EFR3B: variants seen among roughly 807,000 people sequenced by gnomAD.
EFR3B encodes the protein EFR3 homolog B, also known as protein EFR3 homolog B.
Under a neutral mutation model 104.7 loss-of-function variants are expected in EFR3B, and 64 were observed. The observed-to-expected ratio is 0.61, with a 90% CI of 0.50 to 0.75. The LOEUF is 0.75. Ranked by LOEUF, EFR3B falls within the 30% of genes least tolerant of loss-of-function variation. EFR3B has a pLI of 0.00. For synonymous variants in EFR3B, 385 were observed against 417.9 expected, an observed-to-expected ratio of 0.92 and a Z score of 0.96; for missense variants, 750 against 1,078.5, an observed-to-expected ratio of 0.70 and a Z score of 4.27.
In EFR3B at chr2:25,103,640, C is replaced by A. The variant is rs754323247; in HGVS notation, c.216C>A (p.Tyr72Ter). Reference sequence around the variant, plus strand: ...CGGCATGTGCTGCCCTCCCCAGGTACGTGTGCATTGCTATGGAGGCTTTGG... The same window carrying A: ...CGGCATGTGCTGCCCTCCCCAGGTAAGTGTGCATTGCTATGGAGGCTTTGG... ...IRDVGRHRYG[Y>*]VCIAMEALDQ... The change falls in exon 4 of 23, where the codon TAC becomes TAA. Residue 72 changes from tyrosine (Y) to a stop codon, truncating the protein, a stop_gained. Transcript: ENST00000403714. LOFTEE classifies it high-confidence loss of function. 1 of 1,549,794 alleles carries A rather than the reference C, an allele frequency of 6.5e-7. No individual in the cohort carries two copies. The highest frequency in any genetic ancestry group is 2.0e-5 in the Admixed American group (1 of 50,896).
Position 25,151,947 on chromosome 2 carries a change from A to AGCG in EFR3B, c.2234_2236dup (p.Arg745dup), listed in dbSNP as rs1389856586. On this transcript the variant is annotated inframe_insertion, in exon 21 of 23. Coordinates refer to ENST00000403714, the MANE Select transcript of EFR3B (RefSeq NM_014971.2). The stretch of plus-strand genomic sequence containing the variant: ...GTAGCAGTGGAGGAGCAGGAGCGTG[A>AGCG]GCGGCGGCGGCAGGTGGTGGAGAAG... 1.3e-6 allele frequency: 2 copies of AGCG among 1,551,722 alleles called. No homozygotes were observed. Among genetic ancestry groups the AGCG allele is most frequent in the East Asian group, 4.9e-5 (2 of 40,920 alleles).
intron 4 of EFR3B, among the ~76,000 whole-genome samples, chr2:25,112,733 G>A (rs1669754123): frequency 6.6e-6 from 1 of 152,210 alleles, no homozygotes; most frequent in Non-Finnish European, 1.5e-5. Context: ...TAAGTCTAGT[G>A]AAGCAAAGAA....
At chr2:25,101,959 G>A (rs1165464641) in intron 3 of EFR3B, among the ~76,000 whole-genome samples, 1 of 152,216 alleles carries the variant, frequency 6.6e-6, no homozygotes, top group African/African-American at 2.4e-5. Flanking sequence ...TAAATGCTTT[G>A]TAAGTGAAGG....
chr2:25,120,023 A>T (rs962511953), intron 4 of EFR3B, among the ~76,000 whole-genome samples: 1 of 152,162 alleles, frequency 6.6e-6, no homozygotes, highest in African/African-American at 2.4e-5. Context: ...TAACCTTTTT[A>T]GTTGTTTGGG....
rs1467202773 is a variant in EFR3B at position 25,131,862 on chromosome 2, C to T, written c.1098C>T (p.Ile366=). 1.3e-6 allele frequency: 2 copies of T among 1,548,452 alleles called. No homozygotes were observed. The highest frequency in any genetic ancestry group is 1.7e-6 in the Non-Finnish European group (2 of 1,146,002). Residue 366 remains isoleucine (I), a synonymous_variant, in exon 10 of 23, where the codon ATC becomes ATT. Coordinates refer to ENST00000403714, the MANE Select transcript of EFR3B (RefSeq NM_014971.2). The surrounding 1 kb of genome is among the most constrained non-coding windows in gnomAD (Gnocchi z 7.6). The stretch of plus-strand genomic sequence containing the variant: ...CGGTCAGCCTCGGCACCAAGATCAT[C>T]AAGGAGCACGAGGAGCGCATGTTCC... ...DGAVSLGTKI[I]KEHEERMFQE...
intron 17 of EFR3B, 130 bp downstream of exon 17, chr2:25,141,563 C>A (rs1309461826): frequency 2.1e-6 from 2 of 931,806 alleles, no homozygotes; most frequent in Non-Finnish European, 3.2e-6. Flanking sequence ...AGAAGGTGGG[C>A]TCTGCCTGTG....
Position 25,082,485 on chromosome 2 carries a change from CAACTGTTCTATAACAGG to C in EFR3B, c.8-8835_8-8819del, listed in dbSNP as rs559722948. ...GGGCACCAAGTTCAGGAACAGGAGC[CAACTGTTCTATAACAGG>C]AACTTTTCCCTGAAGTTCCCCTGGG... On this transcript the variant is annotated intron_variant, in intron 1 of 22. Coordinates refer to ENST00000403714, the MANE Select transcript of EFR3B (RefSeq NM_014971.2). Among the ~76,000 whole-genome samples, 9 of 152,330 alleles carry C rather than the reference CAACTGTTCTATAACAGG, an allele frequency of 5.9e-5. No homozygotes were observed. In the East Asian group the frequency reaches 1.7e-3, roughly 29 times the overall value.
intron 1 of EFR3B, among the ~76,000 whole-genome samples, chr2:25,050,555 A>G (rs114592383): frequency 0.017 from 2,531 of 152,342 alleles, 66 homozygotes; most frequent in African/African-American, 0.058. Context: ...ATTTTAAAAT[A>G]GAAAATAAAT....
chr2:25,081,704 C>G (rs1008004668), intron 1 of EFR3B: 107 of 533,112 alleles, frequency 2.0e-4, no homozygotes, highest in Non-Finnish European at 2.0e-5. Flanking sequence ...GAGTGAGACC[C>G]ATTCCCTTGG....
intron 3 of EFR3B, among the ~76,000 whole-genome samples, chr2:25,094,165 G>T (rs1221025239): frequency 6.6e-6 from 1 of 150,810 alleles, no homozygotes; most frequent in Non-Finnish European, 1.5e-5. Flanking sequence ...TGCACCTGTA[G>T]TCCCAGCTAC....
At chr2:25,094,507 A>G (rs545832748) in intron 3 of EFR3B, among the ~76,000 whole-genome samples, 282 of 152,240 alleles carry the variant, frequency 1.9e-3, no homozygotes, top group African/African-American at 6.5e-3. Context: ...ACGTGGGATG[A>G]CACTCAACAG....
At chr2:25,151,634 G>A (rs113742625) in intron 20 of EFR3B, among the ~76,000 whole-genome samples, 12 of 152,292 alleles carry the variant, frequency 7.9e-5, no homozygotes, top group African/African-American at 2.4e-4. Flanking sequence ...AGTCCCGGTG[G>A]GAGAGCAGCT....
intron 1 of EFR3B, among the ~76,000 whole-genome samples, chr2:25,049,277 C>T (rs577631210): frequency 3.3e-5 from 5 of 152,242 alleles, no homozygotes; most frequent in East Asian, 1.9e-4. Flanking sequence ...TAACTATTTG[C>T]GTGTTAGTAA....
At chr2:25,104,592 A>G (rs1310575183) in intron 4 of EFR3B, among the ~76,000 whole-genome samples, 6 of 152,176 alleles carry the variant, frequency 3.9e-5, no homozygotes, top group Admixed American at 3.3e-4. Flanking sequence ...GGCTCTCACC[A>G]CTCAGCACGC....
At position 25,080,020 on chromosome 2, in the gene EFR3B, G is replaced by A. The variant is rs1436272216; in HGVS notation, c.8-11305G>A. 7.7e-6 allele frequency: 7 copies of A among 911,072 alleles called. 1 individual carries two copies. Among genetic ancestry groups the A allele is most frequent in the Admixed American group, 6.8e-5 (4 of 58,548 alleles). The allele number at this position is 911,072 out of a possible 1,614,324, so 56.4% of individuals were successfully genotyped here. On this transcript the variant is annotated intron_variant, in intron 1 of 22. Transcript: ENST00000403714. ...AAGTCGTCACAAGCAAGAATTTTAA[G>A]CCCACTGTCTGCTCTCGGTGCCTTA... is the stretch of plus-strand genomic sequence containing the variant.
intron 1 of EFR3B, among the ~76,000 whole-genome samples, chr2:25,059,380 G>A (rs1044496983): frequency 4.0e-5 from 6 of 151,896 alleles, no homozygotes; most frequent in African/African-American, 1.2e-4. Flanking sequence ...CACCACACCC[G>A]GCCAATATTC....
At chr2:25,138,636 C>T (rs1448845466) in intron 15 of EFR3B, among the ~76,000 whole-genome samples, 1 of 152,204 alleles carries the variant, frequency 6.6e-6, no homozygotes, top group African/African-American at 2.4e-5. Context: ...ATCCCAATCC[C>T]CTGGTAACTC....
intron 19 of EFR3B, among the ~76,000 whole-genome samples, chr2:25,149,165 A>G (rs1670933995): frequency 6.6e-6 from 1 of 151,810 alleles, no homozygotes; most frequent in Non-Finnish European, 1.5e-5. Context: ...CCTGACCAAC[A>G]TGGTGAAACC....
Position 25,158,639 on chromosome 2 carries a change from G to C in EFR3B, c.*4299G>C, listed in dbSNP as rs887800122. 1 of 152,328 alleles carries C rather than the reference G, an allele frequency of 6.6e-6. No homozygotes were observed. The highest frequency in any genetic ancestry group is 2.4e-5 in the African/African-American group (1 of 41,462). 9.4% of individuals were successfully genotyped at this position (152,328 alleles called of 1,614,324 possible). A position where few individuals can be genotyped will look rare whatever the true frequency, so the allele number is the denominator to read the frequency against. The stretch of plus-strand genomic sequence containing the variant: ...CTTTGTGGCCCTGCTGGGGCCAAAG[G>C]CAGTTTTCTGTGCTCCCTTTAGCCC... On this transcript the variant is annotated 3_prime_UTR_variant, in exon 23 of 23. Coordinates refer to ENST00000403714, the MANE Select transcript of EFR3B (RefSeq NM_014971.2).
Sources: allele counts gnomAD v4.1 joint callset (sites outside exome capture counted in the v4.1 genomes callset), GRCh38; gene constraint gnomAD v4.1.1; non-coding constraint Gnocchi (gnomAD v3.1); transcripts MANE v1.5; gene names NCBI Gene and HGNC (gene_info 2026-07-23, HGNC 2026-07-21).